Variants in SLC16A7 observed in about 807,000 individuals in gnomAD.
SLC16A7 encodes solute carrier family 16 member 7, also known as monocarboxylate transporter 2.
SLC16A7 carries 33 observed loss-of-function variants against 34.9 expected under a neutral mutation model. The observed-to-expected ratio is 0.94, with a 90% CI of 0.72 to 1.26. The LOEUF (loss-of-function observed/expected upper bound fraction) is 1.26. Ranked by LOEUF, SLC16A7 falls within the 50% of genes most tolerant of loss-of-function variation. The pLI, the probability that SLC16A7 is intolerant of heterozygous loss-of-function variation, is 0.00. For missense variants in SLC16A7, 573 were observed against 578.1 expected (o/e 0.99, Z 0.09); for synonymous variants, 201 against 206.6 (o/e 0.97, Z 0.23).
At chr12:59,684,380 T>G (rs1592492460) in intron 2 of SLC16A7, among the ~76,000 whole-genome samples, 1 of 152,328 alleles carries the variant, frequency 6.6e-6, no homozygotes, top group East Asian at 1.9e-4. Context: ...AAAGGTTTTC[T>G]GATAGAAGGT....
At chr12:59,753,085 T>A (rs539289474) in intron 3 of SLC16A7, among the ~76,000 whole-genome samples, 5 of 152,236 alleles carry the variant, frequency 3.3e-5, no homozygotes, top group Non-Finnish European at 5.9e-5. Context: ...AGGCCTGCCC[T>A]AAAAGACCTC....
In SLC16A7 at chr12:59,788,267, C is replaced by T. The variant is rs1256026676; in HGVS notation, c.*8588C>T. 3 of 151,900 alleles carry T rather than the reference C, an allele frequency of 2.0e-5. No individual in the cohort carries two copies. The allele number at this position is 151,900 out of a possible 1,614,324, so 9.4% of individuals were successfully genotyped here. A position where few individuals can be genotyped will look rare whatever the true frequency, so the allele number is the denominator to read the frequency against. On this transcript the variant is annotated 3_prime_UTR_variant, in exon 6 of 6. Transcript: ENST00000547379. Reference sequence around the variant, plus strand: ...AACAGCCACATCCAGCTAACTTTTGCAAGAATTTTTTAAGGGATTAGATTT... The same window carrying T: ...AACAGCCACATCCAGCTAACTTTTGTAAGAATTTTTTAAGGGATTAGATTT...
At chr12:59,732,214 C>A (rs557636503) in intron 3 of SLC16A7, among the ~76,000 whole-genome samples, 3 of 151,954 alleles carry the variant, frequency 2.0e-5, no homozygotes, top group Admixed American at 2.0e-4. Flanking sequence ...GGTCAGAGTT[C>A]GAGACCAGCC....
At chr12:59,603,173 C>G (rs1282886960) in intron 1 of SLC16A7, among the ~76,000 whole-genome samples, 1 of 152,156 alleles carries the variant, frequency 6.6e-6, no homozygotes, top group Non-Finnish European at 1.5e-5. Context: ...TGACATACTA[C>G]CTACAGTCAT....
chr12:59,753,336 T>G (rs1341346100), intron 3 of SLC16A7, among the ~76,000 whole-genome samples: 1 of 152,104 alleles, frequency 6.6e-6, no homozygotes, highest in African/African-American at 2.4e-5. Context: ...TCAAGACCCA[T>G]CAGTGTGCTG....
intron 3 of SLC16A7, among the ~76,000 whole-genome samples, chr12:59,726,577 T>C (rs567170411): frequency 6.6e-6 from 1 of 152,156 alleles, no homozygotes; most frequent in African/African-American, 2.4e-5. Flanking sequence ...TATTAACCAG[T>C]TTCTGATCCA....
chr12:59,698,719 C>T (rs1372380977), intron 2 of SLC16A7, among the ~76,000 whole-genome samples: 1 of 151,686 alleles, frequency 6.6e-6, no homozygotes, highest in Non-Finnish European at 1.5e-5. Flanking sequence ...GCATAAGCAG[C>T]TTGAAAGAAA....
chr12:59,615,020 A>G (rs1309649238), intron 1 of SLC16A7, among the ~76,000 whole-genome samples: 1 of 150,346 alleles, frequency 6.7e-6, no homozygotes, highest in African/African-American at 2.4e-5. Flanking sequence ...AAATAAATAA[A>G]AATAAATAAA....
intron 3 of SLC16A7, among the ~76,000 whole-genome samples, chr12:59,711,017 G>C (rs1303857435): frequency 1.3e-5 from 2 of 152,114 alleles, no homozygotes; most frequent in Admixed American, 1.3e-4. Context: ...CAACACTTCA[G>C]CCTCATATTT....
At chr12:59,773,774 A>G (rs1188252107) in intron 4 of SLC16A7, among the ~76,000 whole-genome samples, 3 of 152,096 alleles carry the variant, frequency 2.0e-5, no homozygotes, top group Admixed American at 6.5e-5. Flanking sequence ...CATGTTGGCC[A>G]GGATGGTCTC....
intron 2 of SLC16A7, among the ~76,000 whole-genome samples, chr12:59,698,116 G>A (rs1872523350): frequency 1.3e-5 from 2 of 151,504 alleles, no homozygotes; most frequent in African/African-American, 4.8e-5. Flanking sequence ...GTTTTCCTAC[G>A]ATTCAAATTG....
intron 1 of SLC16A7, among the ~76,000 whole-genome samples, chr12:59,637,037 A>G (rs767976939): frequency 3.3e-5 from 5 of 152,138 alleles, no homozygotes; most frequent in Non-Finnish European, 7.4e-5. Flanking sequence ...CCCTTTGAGT[A>G]TTAAAAAAGA....
At chr12:59,714,746 G>C (rs1307990213) in intron 3 of SLC16A7, among the ~76,000 whole-genome samples, 1 of 152,150 alleles carries the variant, frequency 6.6e-6, no homozygotes, top group African/African-American at 2.4e-5. Context: ...TGTATTTTTA[G>C]TAGATATGGG....
At chr12:59,614,003 T>C (rs1879322333) in intron 1 of SLC16A7, among the ~76,000 whole-genome samples, 1 of 151,936 alleles carries the variant, frequency 6.6e-6, no homozygotes. Context: ...GACAGGTCCA[T>C]TCTGATCCTG....
At chr12:59,608,978 T>C (rs1879069112) in intron 1 of SLC16A7, among the ~76,000 whole-genome samples, 1 of 152,226 alleles carries the variant, frequency 6.6e-6, no homozygotes, top group Non-Finnish European at 1.5e-5. Context: ...TTTGGTCAGT[T>C]ACTTTAAGTG....
chr12:59,666,617 A>G (rs555873339), intron 2 of SLC16A7, among the ~76,000 whole-genome samples: 15 of 152,204 alleles, frequency 9.9e-5, no homozygotes, highest in Non-Finnish European at 2.1e-4. Flanking sequence ...GGTCTTATGA[A>G]GGGCAGTTCC....
At chr12:59,615,112 C>G (rs1430350746) in intron 1 of SLC16A7, among the ~76,000 whole-genome samples, 2 of 152,140 alleles carry the variant, frequency 1.3e-5, no homozygotes, top group Admixed American at 6.5e-5. Flanking sequence ...AATGTTTCCT[C>G]TCAGTAGGAC....
At chr12:59,657,372 TCTGTCTTAG>T (rs1489389478) in intron 2 of SLC16A7, among the ~76,000 whole-genome samples, 1 of 152,006 alleles carries the variant, frequency 6.6e-6, no homozygotes, top group Non-Finnish European at 1.5e-5. Context: ...TACTTATTGT[TCTGTCTTAG>T]CTGTTTTATA....
intron 3 of SLC16A7, among the ~76,000 whole-genome samples, chr12:59,718,999 A>T (rs1875249714): frequency 6.6e-6 from 1 of 152,136 alleles, no homozygotes; most frequent in African/African-American, 2.4e-5. Flanking sequence ...GCACTAGAGT[A>T]AGAAAACTTG....
Sources: allele counts gnomAD v4.1 joint callset (sites outside exome capture counted in the v4.1 genomes callset), GRCh38; gene constraint gnomAD v4.1.1; transcripts MANE v1.5; gene names NCBI Gene and HGNC (gene_info 2026-07-23, HGNC 2026-07-21).